Variants in PCDHA1 observed in about 807,000 individuals in gnomAD.
PCDHA1 encodes protocadherin alpha-1.
Under a neutral mutation model 61.3 loss-of-function variants are expected in PCDHA1, and 42 were observed. The observed-to-expected ratio is 0.69, with a 90% CI of 0.54 to 0.89. PCDHA1 has a LOEUF of 0.89. Ranked by LOEUF, PCDHA1 falls within the 40% of genes least tolerant of loss-of-function variation. PCDHA1 has a pLI of 0.00. For missense variants in PCDHA1, 1,256 were observed against 1,235.3 expected (o/e 1.02, Z -0.25); for synonymous variants, 610 against 553.8 (o/e 1.10, Z -1.43).
intron 1 of PCDHA1, among the ~76,000 whole-genome samples, chr5:140,854,874 G>A (rs1554147476): frequency 6.7e-6 from 1 of 149,752 alleles, no homozygotes; most frequent in African/African-American, 2.4e-5. Context: ...TCAGAACTGT[G>A]TCTTTTGGGC....
intron 1 of PCDHA1, among the ~76,000 whole-genome samples, chr5:140,913,410 C>A (rs375204256): frequency 6.6e-6 from 1 of 152,040 alleles, no homozygotes; most frequent in Non-Finnish European, 1.5e-5. Flanking sequence ...CCTTTGAATT[C>A]CTGCAGTATC....
At chr5:141,003,510 A>C (rs1468305070) in intron 3 of PCDHA1, among the ~76,000 whole-genome samples, 1 of 152,070 alleles carries the variant, frequency 6.6e-6, no homozygotes, top group African/African-American at 2.4e-5. Context: ...ATGGGGTTTC[A>C]CCATGTTCCC....
intron 1 of PCDHA1, among the ~76,000 whole-genome samples, chr5:140,840,453 A>C (rs1554137802): frequency 1.3e-5 from 2 of 152,010 alleles, no homozygotes; most frequent in African/African-American, 4.8e-5. Flanking sequence ...GAAACGTTAA[A>C]TAAAAAGTTG....
intron 1 of PCDHA1, chr5:140,810,068 A>G (rs1764594769): frequency 6.5e-6 from 1 of 153,826 alleles, no homozygotes; most frequent in African/African-American, 2.4e-5. Context: ...CTGTTTTGGG[A>G]ACGTTATCTA....
Position 140,962,028 on chromosome 5 carries a change from C to A in PCDHA1, c.2395-16921C>A, listed in dbSNP as rs1046578713. Among the ~76,000 whole-genome samples the A allele has an allele frequency of 5.9e-5, 9 of 152,036 alleles. No individual in the cohort carries two copies. In the South Asian group the frequency reaches 1.7e-3, roughly 28 times the overall value. The stretch of plus-strand genomic sequence containing the variant: ...CTTCCCGAGTAGCTGGGACTACAGG[C>A]ACCCACCACCATGCCTGGCTAATTT... On this transcript the variant is annotated intron_variant, in intron 1 of 3. Transcript: ENST00000504120.
intron 1 of PCDHA1, among the ~76,000 whole-genome samples, chr5:140,844,268 C>G (rs1440274573): frequency 6.7e-6 from 1 of 149,334 alleles, no homozygotes; most frequent in Non-Finnish European, 1.5e-5. Context: ...TGATAAAATA[C>G]AGAATGATAG....
chr5:140,796,726 G>A lies in PCDHA1; in HGVS notation c.2394+8042G>A, dbSNP rs781873607. 2.0e-5 allele frequency: 33 copies of A among 1,614,100 alleles called. No homozygotes were observed. In the East Asian group the frequency reaches 7.4e-4, roughly 36 times the overall value. The stretch of plus-strand genomic sequence containing the variant: ...GCTGGTGCCGTGGTCGGTGGGTGCA[G>A]GGCACGTGGTGGCGAAGGTGCGCGC... On this transcript the variant is annotated intron_variant, in intron 1 of 3. Transcript: ENST00000504120.
intron 1 of PCDHA1, among the ~76,000 whole-genome samples, chr5:140,901,864 C>G (rs782513656): frequency 4.6e-4 from 70 of 152,126 alleles, no homozygotes; most frequent in Non-Finnish European, 5.7e-4. Flanking sequence ...TTTGTGTCCT[C>G]TTCAATTTCT....
At position 140,876,514 on chromosome 5, in the gene PCDHA1, C is replaced by T. The variant is rs782076196; in HGVS notation, c.2394+87830C>T. ...AGTTCTGGACGTGAATGACAATGTC[C>T]CTGAAGTAATGGTTACTTCACTGTC... On this transcript the variant is annotated intron_variant, in intron 1 of 3. Coordinates refer to ENST00000504120, the MANE Select transcript of PCDHA1 (RefSeq NM_018900.4). 2.5e-6 allele frequency: 4 copies of T among 1,614,026 alleles called. No homozygotes were observed. In the Admixed American group the frequency reaches 6.7e-5, roughly 27 times the overall value.
At chr5:140,795,969 A>C in intron 1 of PCDHA1, 1 of 1,614,100 alleles carries the variant, frequency 6.2e-7, no homozygotes, top group Non-Finnish European at 8.5e-7. Context: ...GACATTGTAA[A>C]ATTTCATTAA....
intron 3 of PCDHA1, among the ~76,000 whole-genome samples, chr5:140,992,147 G>A (rs1304729438): frequency 2.0e-5 from 3 of 151,714 alleles, no homozygotes; most frequent in Non-Finnish European, 4.4e-5. Context: ...TGCTAACTTT[G>A]CTCAATCAAG....
At chr5:140,842,727 C>T (rs1554139317) in intron 1 of PCDHA1, 3 of 1,594,926 alleles carry the variant, frequency 1.9e-6, no homozygotes, top group Non-Finnish European at 1.7e-6. Context: ...GAGAACAACC[C>T]GCCGGGCTGC....
rs782343449 is a variant in PCDHA1, at chr5:140,787,586, G to T, written c.1296G>T (p.Ser432=). ...ELVVTARDGG[S]PSLWATARVS... is the part of the protein sequence containing the mutation. ...TGGTGACCGCGCGGGACGGGGGCTC[G>T]CCTTCGCTGTGGGCCACGGCCAGGG... The change falls in exon 1 of 4, where the codon TCG becomes TCT. Residue 432 remains serine (S), a synonymous_variant. Coordinates refer to ENST00000504120, the MANE Select transcript of PCDHA1 (RefSeq NM_018900.4). The T allele has an allele frequency of 6.2e-7, 1 of 1,614,176 alleles. No homozygotes were observed. The highest frequency in any genetic ancestry group is 8.5e-7 in the Non-Finnish European group (1 of 1,180,042).
chr5:140,883,679 G>T (rs781987468), intron 1 of PCDHA1: 1 of 1,613,678 alleles, frequency 6.2e-7, no homozygotes, highest in Non-Finnish European at 8.5e-7. Flanking sequence ...CAATCCGCCG[G>T]GCTGCCACAT....
chr5:140,820,438 A>G (rs2150106905), intron 1 of PCDHA1, among the ~76,000 whole-genome samples: 1 of 151,986 alleles, frequency 6.6e-6, no homozygotes, highest in African/African-American at 2.4e-5. Context: ...AGAATTGCTA[A>G]TCTCTTGGTC....
chr5:140,941,191 T>TTTCTTTCTTTCTTTCTTTC (rs1487503403), intron 1 of PCDHA1, among the ~76,000 whole-genome samples: 6 of 93,258 alleles, frequency 6.4e-5, no homozygotes, highest in Middle Eastern at 5.1e-3. Flanking sequence ...GCTTCTTTTT[T>TTTCTTTCTTTCTTTCTTTC]TTTCTTTCTT....
intron 1 of PCDHA1, chr5:140,857,647 G>T: frequency 6.3e-7 from 1 of 1,596,858 alleles, no homozygotes; most frequent in Non-Finnish European, 8.6e-7. Flanking sequence ...TACAGTTCCA[G>T]GTGAGCGCGC....
In PCDHA1 at chr5:140,927,516, C is replaced by T. The variant is rs782661477; in HGVS notation, c.2395-51433C>T. 3.1e-6 allele frequency: 5 copies of T among 1,613,948 alleles called. No homozygotes were observed. The South Asian group carries it at 4.4e-5, about 14-fold the overall frequency. Reference sequence around the variant, plus strand: ...TGCTGGTGCTTACAGCTCGGGACGGCGGGCTACCTGCCCGCTCAGGAGACG... The same window carrying T: ...TGCTGGTGCTTACAGCTCGGGACGGTGGGCTACCTGCCCGCTCAGGAGACG... On this transcript the variant is annotated intron_variant, in intron 1 of 3. Transcript: ENST00000504120.
chr5:140,910,127 C>T (rs1323587900), intron 1 of PCDHA1, among the ~76,000 whole-genome samples: 5 of 152,202 alleles, frequency 3.3e-5, no homozygotes, highest in African/African-American at 1.2e-4. Context: ...GGTCTGTAAA[C>T]TGGTTTAAGT....
Sources: gnomAD v4.1 joint callset for allele counts (sites outside exome capture counted in the v4.1 genomes callset) on GRCh38, gnomAD v4.1.1 for gene constraint, MANE v1.5 for transcripts, NCBI Gene and HGNC (gene_info 2026-07-23, HGNC 2026-07-21) for gene names.